PRH1: variants seen among roughly 807,000 people sequenced by gnomAD.
PRH1 encodes the protein proline rich protein HaeIII subfamily 1.
Under a neutral mutation model 7.9 loss-of-function variants are expected in PRH1, and 7 were observed. The ratio of observed to expected loss-of-function variants is 0.89; its 90% confidence interval spans 0.50 to 1.67. The LOEUF is 1.67. Among genes scored for constraint, PRH1 ranks in the 40% most tolerant of loss-of-function variants. The pLI is 0.00. For synonymous variants in PRH1, 45 were observed against 80.8 expected, an observed-to-expected ratio of 0.56 and a Z score of 2.38; for missense variants, 109 against 223.6, an observed-to-expected ratio of 0.49 and a Z score of 3.27.
intron 2 of PRH1, among the ~76,000 whole-genome samples, chr12:10,960,610 T>C (rs1938192631): frequency 6.6e-6 from 1 of 152,230 alleles, no homozygotes; most frequent in African/African-American, 2.4e-5. Flanking sequence ...CAGAGCTGTG[T>C]CACTTCTGTT....
chr12:10,929,152 G>C (rs192492527), intron 2 of PRH1: 458 of 1,231,482 alleles, frequency 3.7e-4, no homozygotes, highest in Admixed American at 6.9e-4. Flanking sequence ...CCCAGTCTCT[G>C]AGGCGAGGAG....
chr12:10,983,548 A>G (rs1411167017), intron 1 of PRH1, among the ~76,000 whole-genome samples: 2 of 152,232 alleles, frequency 1.3e-5, no homozygotes, highest in East Asian at 3.8e-4. Context: ...ACTACCACCA[A>G]GGGACTGGAT....
chr12:10,882,903 C>T (rs1248590519), intron 2 of PRH1, among the ~76,000 whole-genome samples, 158 bp downstream of exon 2: 1 of 152,060 alleles, frequency 6.6e-6, no homozygotes, highest in Admixed American at 6.6e-5. Context: ...TACTCATGGT[C>T]CCCAGAATCA....
At chr12:11,102,451 C>T (rs538714917) in intron 1 of PRH1, among the ~76,000 whole-genome samples, 171 of 147,806 alleles carry the variant, frequency 1.2e-3, no homozygotes, top group Non-Finnish European at 2.2e-3. Context: ...GAAAGGATTC[C>T]CTATTTAATA....
At chr12:11,103,249 T>C (rs937519088) in intron 1 of PRH1, among the ~76,000 whole-genome samples, 3 of 152,146 alleles carry the variant, frequency 2.0e-5, no homozygotes, top group Admixed American at 6.5e-5. Context: ...CATATGTTTA[T>C]TGCAGCACTA....
chr12:11,031,876 T>A (rs564291062), intron 1 of PRH1, among the ~76,000 whole-genome samples: 7 of 152,216 alleles, frequency 4.6e-5, no homozygotes, highest in South Asian at 2.1e-4. Flanking sequence ...CAATGTAATA[T>A]AACTGGGTGT....
intron 1 of PRH1, among the ~76,000 whole-genome samples, chr12:11,104,465 T>G (rs1276762801): frequency 2.6e-5 from 4 of 152,240 alleles, no homozygotes; most frequent in African/African-American, 7.2e-5. Context: ...TATTATTATC[T>G]ATGTAGCTCA....
chr12:10,932,086 T>G, intron 2 of PRH1: 1 of 255,978 alleles, frequency 3.9e-6, no homozygotes, highest in South Asian at 4.2e-5. Flanking sequence ...ACAAAGAAAA[T>G]GATATTAAGG....
chr12:11,029,042 T>A (rs1235183420), intron 1 of PRH1, among the ~76,000 whole-genome samples: 1 of 152,298 alleles, frequency 6.6e-6, no homozygotes, highest in Non-Finnish European at 1.5e-5. Context: ...TTCGAGTTCC[T>A]GGGAGTCAAC....
chr12:10,968,705 C>A (rs953352316), intron 2 of PRH1, among the ~76,000 whole-genome samples: 1 of 152,250 alleles, frequency 6.6e-6, no homozygotes. Flanking sequence ...AATCCACTCG[C>A]TGGGACCCAC....
chr12:10,952,945 C>T (rs993126565), intron 2 of PRH1, among the ~76,000 whole-genome samples: 1 of 152,084 alleles, frequency 6.6e-6, no homozygotes, highest in Non-Finnish European at 1.5e-5. Context: ...ACACAATGTC[C>T]CTTCCAGCAC....
intron 1 of PRH1, among the ~76,000 whole-genome samples, chr12:11,128,893 C>T (rs2708347): frequency 0.75 from 113,332 of 152,052 alleles, 44,728 homozygotes; most frequent in East Asian, 0.96. Context: ...GATCCTGTTT[C>T]TCTTGATATT....
intron 1 of PRH1, among the ~76,000 whole-genome samples, chr12:11,144,354 T>C (rs1326525906): frequency 1.3e-5 from 2 of 151,794 alleles, no homozygotes; most frequent in Non-Finnish European, 2.9e-5. Flanking sequence ...GTCTTGCAGG[T>C]TGTCAGGAAA....
chr12:11,156,986 T>C (rs1293391630), intron 1 of PRH1, among the ~76,000 whole-genome samples: 4 of 151,884 alleles, frequency 2.6e-5, no homozygotes, highest in South Asian at 2.1e-4. Context: ...GCTGGGTCTA[T>C]AGGCACCCGC....
At chr12:11,076,172 T>TG (rs1944282189) in intron 1 of PRH1, among the ~76,000 whole-genome samples, 1 of 24,300 alleles carries the variant, frequency 4.1e-5, no homozygotes, top group Admixed American at 6.5e-4. Context: ...AACACAGTCA[T>TG]GCAGAATTTA....
At chr12:11,006,449 G>A (rs189429901) in intron 1 of PRH1, among the ~76,000 whole-genome samples, 17 of 142,554 alleles carry the variant, frequency 1.2e-4, no homozygotes, top group Admixed American at 4.5e-4. Context: ...ATCATACCTC[G>A]CCGTAGTCTT....
chr12:11,112,941 T>C (rs756983962), intron 1 of PRH1, among the ~76,000 whole-genome samples: 2 of 152,108 alleles, frequency 1.3e-5, no homozygotes, highest in Non-Finnish European at 2.9e-5. Flanking sequence ...TGATAAGCAA[T>C]TTCAGCAGTC....
upstream of PRH1, among the ~76,000 whole-genome samples, chr12:11,047,949 T>A (rs951970631): frequency 1.3e-5 from 2 of 152,362 alleles, no homozygotes; most frequent in South Asian, 2.1e-4. Flanking sequence ...CAAATTACAA[T>A]GGAAAACAAC....
chr12:11,015,497 G>A (rs1941250933), intron 1 of PRH1, among the ~76,000 whole-genome samples: 1 of 152,042 alleles, frequency 6.6e-6, no homozygotes, highest in Non-Finnish European at 1.5e-5. Flanking sequence ...TTCTGAGGAG[G>A]TTAGACTTGA....
Sources: allele counts gnomAD v4.1 joint callset (sites outside exome capture counted in the v4.1 genomes callset), GRCh38; gene constraint gnomAD v4.1.1; transcripts MANE v1.5; gene names NCBI Gene and HGNC (gene_info 2026-07-23, HGNC 2026-07-21).